CCSER1: variants seen among roughly 807,000 people sequenced by gnomAD.
CCSER1 encodes serine-rich coiled-coil domain-containing protein 1.
A neutral mutation model predicts 82.0 loss-of-function variants in CCSER1; 41 were observed. The ratio of observed to expected loss-of-function variants is 0.50; its 90% confidence interval spans 0.39 to 0.65. The LOEUF is 0.65. CCSER1 is among the 30% of genes least tolerant of loss of function. The pLI is 0.00. For synonymous variants in CCSER1, 414 were observed against 383.9 expected (o/e 1.08, Z -0.92); for missense variants, 1,119 against 1,064.2 (o/e 1.05, Z -0.72).
At chr4:90,299,989 CTTTTAT>C (rs948762763) in intron 1 of CCSER1, among the ~76,000 whole-genome samples, 1 of 151,870 alleles carries the variant, frequency 6.6e-6, no homozygotes, top group African/African-American at 2.4e-5. Flanking sequence ...TGGGGATCTT[CTTTTAT>C]TTTCACCAAG....
chr4:90,638,003 T>A (rs1056857990), intron 6 of CCSER1, among the ~76,000 whole-genome samples: 7 of 152,186 alleles, frequency 4.6e-5, no homozygotes, highest in Non-Finnish European at 7.3e-5. Flanking sequence ...AATCACTTCC[T>A]TAGACAAAAT....
chr4:91,213,794 A>G (rs2149088734), intron 10 of CCSER1, among the ~76,000 whole-genome samples: 1 of 152,214 alleles, frequency 6.6e-6, no homozygotes, highest in Admixed American at 6.5e-5. Flanking sequence ...GTTGAGCTTC[A>G]CCCCTATTCC....
At chr4:90,890,075 C>T (rs959537141) in intron 8 of CCSER1, among the ~76,000 whole-genome samples, 1 of 151,944 alleles carries the variant, frequency 6.6e-6, no homozygotes, top group Non-Finnish European at 1.5e-5. Context: ...TAAAAAAAGT[C>T]AAAATTGCCT....
chr4:90,745,839 G>A (rs1212111476), intron 7 of CCSER1, among the ~76,000 whole-genome samples: 54 of 151,470 alleles, frequency 3.6e-4, no homozygotes, highest in Admixed American at 7.2e-4. Context: ...ACAGGCGCCC[G>A]CCACCACACC....
chr4:90,647,532 C>G (rs1727810231), intron 6 of CCSER1, among the ~76,000 whole-genome samples: 1 of 151,944 alleles, frequency 6.6e-6, no homozygotes, highest in Non-Finnish European at 1.5e-5. Flanking sequence ...AGCTTTTCTC[C>G]CCAAAAGCAT....
chr4:91,100,016 A>G (rs1724898269), intron 10 of CCSER1, among the ~76,000 whole-genome samples: 1 of 152,180 alleles, frequency 6.6e-6, no homozygotes, highest in African/African-American at 2.4e-5. Flanking sequence ...CATGGCAAAG[A>G]AACATGTTTT....
chr4:90,768,489 G>A (rs1218626933), intron 7 of CCSER1, among the ~76,000 whole-genome samples: 1 of 152,172 alleles, frequency 6.6e-6, no homozygotes, highest in Non-Finnish European at 1.5e-5. Flanking sequence ...TTTTTATTCT[G>A]AGTGTAGGAT....
At chr4:90,587,258 A>G (rs943627087) in intron 5 of CCSER1, among the ~76,000 whole-genome samples, 10 of 152,196 alleles carry the variant, frequency 6.6e-5, no homozygotes, top group Non-Finnish European at 1.5e-4. Flanking sequence ...AAGATAATAT[A>G]TATGTGTTAT....
chr4:90,245,416 AGGTCATG>A (rs1316347980), intron 1 of CCSER1, among the ~76,000 whole-genome samples: 1 of 150,112 alleles, frequency 6.7e-6, no homozygotes, highest in African/African-American at 2.5e-5. Context: ...CCCTTCTCTA[AGGTCATG>A]GTAGGATCTT....
At chr4:90,342,552 C>T (rs1741585708) in intron 3 of CCSER1, among the ~76,000 whole-genome samples, 1 of 152,170 alleles carries the variant, frequency 6.6e-6, no homozygotes, top group South Asian at 2.1e-4. Flanking sequence ...CTTTTGCATT[C>T]AGCATTATTT....
At chr4:91,432,269 T>C (rs1314293369) in intron 10 of CCSER1, among the ~76,000 whole-genome samples, 6 of 152,246 alleles carry the variant, frequency 3.9e-5, no homozygotes, top group Non-Finnish European at 8.8e-5. Context: ...ATTAGTTCTT[T>C]ATAGCAGTGT....
intron 5 of CCSER1, among the ~76,000 whole-genome samples, chr4:90,608,087 T>G (rs577137244): frequency 6.6e-6 from 1 of 152,294 alleles, no homozygotes; most frequent in East Asian, 1.9e-4. Flanking sequence ...AGCTGATATG[T>G]TATTTAGGGA....
intron 7 of CCSER1, among the ~76,000 whole-genome samples, chr4:90,772,761 T>C (rs1378794632): frequency 6.6e-6 from 1 of 152,218 alleles, no homozygotes; most frequent in African/African-American, 2.4e-5. Flanking sequence ...GCTTTTCTTA[T>C]TGTGTCAAAA....
At chr4:90,906,766 C>T (rs11097271) in intron 8 of CCSER1, among the ~76,000 whole-genome samples, 81,225 of 151,590 alleles carry the variant, frequency 0.54, 23,473 homozygotes, top group African/African-American at 0.76. Flanking sequence ...GTTTCTGTTT[C>T]TAGTGATGCA....
intron 8 of CCSER1, among the ~76,000 whole-genome samples, chr4:90,834,775 G>T (rs1167774192): frequency 6.6e-6 from 1 of 152,144 alleles, no homozygotes; most frequent in African/African-American, 2.4e-5. Context: ...ACAATAAAAT[G>T]GGGATTCAAA....
intron 6 of CCSER1, among the ~76,000 whole-genome samples, chr4:90,638,876 G>A (rs548747216): frequency 2.6e-5 from 4 of 152,072 alleles, no homozygotes; most frequent in Non-Finnish European, 4.4e-5. Context: ...CAGTTGTTTT[G>A]AATCGTAGAG....
At chr4:90,899,986 C>T (rs188133891) in intron 8 of CCSER1, among the ~76,000 whole-genome samples, 2 of 151,580 alleles carry the variant, frequency 1.3e-5, no homozygotes, top group South Asian at 2.1e-4. Flanking sequence ...AGCATTCCCC[C>T]CTCCTTGTTT....
chr4:90,987,564 C>G (rs115958881), intron 9 of CCSER1, among the ~76,000 whole-genome samples: 2 of 151,486 alleles, frequency 1.3e-5, no homozygotes, highest in East Asian at 1.9e-4. Context: ...TACCAAGGCA[C>G]CCATTCATAT....
At chr4:90,837,076 T>G (rs535738226) in intron 8 of CCSER1, among the ~76,000 whole-genome samples, 1 of 152,284 alleles carries the variant, frequency 6.6e-6, no homozygotes, top group Non-Finnish European at 1.5e-5. Flanking sequence ...ATTGCTGTCA[T>G]ATTAAGAAGC....
Sources: gnomAD v4.1 joint callset for allele counts (sites outside exome capture counted in the v4.1 genomes callset) on GRCh38, gnomAD v4.1.1 for gene constraint, MANE v1.5 for transcripts, NCBI Gene and HGNC (gene_info 2026-07-23, HGNC 2026-07-21) for gene names.